The following TBC1D22B variants were observed in gnomAD, a reference collection of about 807,000 sequenced individuals.
TBC1D22B encodes the protein TBC1 domain family member 22B.
In TBC1D22B, 32 loss-of-function variants were observed where a neutral mutation model predicts 69.1. The observed-to-expected ratio is 0.46, with a 90% CI of 0.35 to 0.62. TBC1D22B has a LOEUF of 0.62. Among genes scored for constraint, TBC1D22B ranks in the 20% least tolerant of loss-of-function variants. TBC1D22B has a pLI of 0.00. For synonymous variants in TBC1D22B, 206 were observed against 229.8 expected (o/e 0.90, Z 0.94); for missense variants, 462 against 630.9 (o/e 0.73, Z 2.87).
chr6:37,258,618 G>T (rs556977927), intron 1 of TBC1D22B, among the ~76,000 whole-genome samples: 1 of 152,140 alleles, frequency 6.6e-6, no homozygotes, highest in Non-Finnish European at 1.5e-5. Context: ...CCCCTGCATT[G>T]TAATGCACTT....
chr6:37,308,419 T>C (rs1302753551), intron 8 of TBC1D22B, among the ~76,000 whole-genome samples: 4 of 152,196 alleles, frequency 2.6e-5, no homozygotes, highest in Non-Finnish European at 5.9e-5. Flanking sequence ...GCTCACAGTT[T>C]TTGACTAAAT....
intron 12 of TBC1D22B, among the ~76,000 whole-genome samples, chr6:37,319,179 T>A (rs926076106): frequency 5.3e-5 from 8 of 152,236 alleles, no homozygotes; most frequent in African/African-American, 1.4e-4. Context: ...TGTGAGTAGA[T>A]GCTAGCCATG....
intron 1 of TBC1D22B, among the ~76,000 whole-genome samples, chr6:37,262,090 G>T (rs1488833059): frequency 1.3e-5 from 2 of 148,314 alleles, no homozygotes; most frequent in African/African-American, 5.0e-5. Flanking sequence ...GAGTGCAGTG[G>T]CACGATCTCA....
At chr6:37,288,756 A>G (rs1479037859) in intron 7 of TBC1D22B, among the ~76,000 whole-genome samples, 1 of 151,838 alleles carries the variant, frequency 6.6e-6, no homozygotes. Context: ...AAAAAAAAAA[A>G]AAGAGGTTGG....
At chr6:37,317,262 C>T in intron 12 of TBC1D22B, 56 bp downstream of exon 12, 4 of 1,504,532 alleles carry the variant, frequency 2.7e-6, no homozygotes, top group Non-Finnish European at 3.6e-6. Context: ...TGGGAGTTAG[C>T]CCCTCAGTGG....
At chr6:37,294,460 G>A (rs1767291908) in intron 8 of TBC1D22B, among the ~76,000 whole-genome samples, 1 of 152,114 alleles carries the variant, frequency 6.6e-6, no homozygotes, top group African/African-American at 2.4e-5. Flanking sequence ...GTACGTAGTA[G>A]CCACTATGGC....
chr6:37,274,054 T>C (rs1766588053), intron 2 of TBC1D22B, among the ~76,000 whole-genome samples: 1 of 152,232 alleles, frequency 6.6e-6, no homozygotes, highest in Non-Finnish European at 1.5e-5. Flanking sequence ...TTTTTATAGC[T>C]CAGATAAAGC....
chr6:37,258,031 T>C, intron 1 of TBC1D22B, 58 bp downstream of exon 1: 3 of 1,576,000 alleles, frequency 1.9e-6, no homozygotes, highest in Non-Finnish European at 2.6e-6. Flanking sequence ...CAGATCCTAA[T>C]CCCTGAATCC....
chr6:37,327,472 C>A (rs1192082376), intron 12 of TBC1D22B, among the ~76,000 whole-genome samples: 1 of 50,554 alleles, frequency 2.0e-5, no homozygotes, highest in Non-Finnish European at 3.7e-5. Context: ...AGCCAGACTC[C>A]GACTCAAAAA....
At chr6:37,327,613 TGA>T (rs1252370671) in intron 12 of TBC1D22B, among the ~76,000 whole-genome samples, 2 of 151,030 alleles carry the variant, frequency 1.3e-5, no homozygotes, top group East Asian at 4.0e-4. Flanking sequence ...ATTACTCCTG[TGA>T]GAGGGGAATA....
At chr6:37,275,966 C>CTTTTTTTTTTTTTT (rs149995165) in intron 2 of TBC1D22B, among the ~76,000 whole-genome samples, 40 of 133,206 alleles carry the variant, frequency 3.0e-4, no homozygotes, top group African/African-American at 1.1e-3. Context: ...TTCTTTTTTT[C>CTTTTTTTTTTTTTT]TTTTTTTTTT....
intron 9 of TBC1D22B, among the ~76,000 whole-genome samples, chr6:37,313,479 G>C (rs1767984936): frequency 8.8e-6 from 1 of 113,220 alleles, no homozygotes; most frequent in African/African-American, 3.7e-5. Flanking sequence ...GATAGAGTGA[G>C]ACCCTATCTC....
In TBC1D22B at chr6:37,305,667, G is replaced by A. The variant is rs374632011; in HGVS notation, c.983-7251G>A. Among the ~76,000 whole-genome samples the A allele has an allele frequency of 9.9e-5, 15 of 152,050 alleles. No individual in the cohort carries two copies. The South Asian group carries it at 2.5e-3, about 25-fold the overall frequency. ...CGAGTAGCTGGGACTACAGGCGCCCGCCACCACGCCTGGCTATTATTTTTT... is the reference window on the plus strand; with the variant it reads ...CGAGTAGCTGGGACTACAGGCGCCCACCACCACGCCTGGCTATTATTTTTT... On this transcript the variant is annotated intron_variant, in intron 8 of 12. Coordinates refer to ENST00000373491, the MANE Select transcript of TBC1D22B (RefSeq NM_017772.4).
chr6:37,287,583 A>G (rs1430135224), intron 7 of TBC1D22B, among the ~76,000 whole-genome samples: 1 of 152,186 alleles, frequency 6.6e-6, no homozygotes, highest in East Asian at 1.9e-4. Flanking sequence ...TTTGTCTCTA[A>G]GAATTTGACT....
chr6:37,326,002 G>A (rs4714056), intron 12 of TBC1D22B, among the ~76,000 whole-genome samples: 1 of 152,070 alleles, frequency 6.6e-6, no homozygotes, highest in Non-Finnish European at 1.5e-5. Flanking sequence ...ATTCACTTGT[G>A]CAGGGGTGGA....
intron 8 of TBC1D22B, chr6:37,295,617 GTTTACTA>G: frequency 4.6e-6 from 2 of 431,878 alleles, no homozygotes; most frequent in Non-Finnish European, 9.4e-6. Flanking sequence ...TTGCAGTTGA[GTTTACTA>G]TTATCAATGG....
rs1361621376 is a variant in TBC1D22B, at chr6:37,266,940, T to G, written c.57-2654T>G. On this transcript the variant is annotated intron_variant, in intron 1 of 12. Coordinates refer to ENST00000373491, the MANE Select transcript of TBC1D22B (RefSeq NM_017772.4). ...TAATATTTTCTTCGTCTTTTTTTTTTTTTTTTTTTTTTTTGAGATAAGGAC... is the reference window on the plus strand; with the variant it reads ...TAATATTTTCTTCGTCTTTTTTTTTGTTTTTTTTTTTTTTGAGATAAGGAC... 2.8e-5 allele frequency among the ~76,000 whole-genome samples: 4 copies of G among 141,038 alleles called. No individual in the cohort carries two copies. The East Asian group carries it at 8.1e-4, about 28-fold the overall frequency. 92.5% of individuals were successfully genotyped at this position (141,038 alleles called of 152,430 possible). A position where few individuals can be genotyped will look rare whatever the true frequency, so the allele number is the denominator to read the frequency against.
intron 1 of TBC1D22B, 71 bp from the exon 2 acceptor site, chr6:37,269,523 G>C (rs2113720476): frequency 6.8e-7 from 1 of 1,465,540 alleles, no homozygotes; most frequent in African/African-American, 1.4e-5. Flanking sequence ...TTGTGATGCA[G>C]ATGGCACTTA....
At chr6:37,277,935 C>G (rs745550584) in intron 2 of TBC1D22B, among the ~76,000 whole-genome samples, 2 of 150,966 alleles carry the variant, frequency 1.3e-5, no homozygotes, top group African/African-American at 2.4e-5. Context: ...TTGAGACTAG[C>G]GAGAGCAACA....
Sources: allele counts gnomAD v4.1 joint callset (sites outside exome capture counted in the v4.1 genomes callset), GRCh38; gene constraint gnomAD v4.1.1; transcripts MANE v1.5; gene names NCBI Gene and HGNC (gene_info 2026-07-23, HGNC 2026-07-21).